Variants in HNRNPLL observed in about 807,000 individuals in gnomAD.
HNRNPLL encodes the protein heterogeneous nuclear ribonucleoprotein L-like.
In HNRNPLL, 25 loss-of-function variants were observed where a neutral mutation model predicts 67.1. The observed-to-expected ratio is 0.37, with a 90% CI of 0.27 to 0.52. The LOEUF is 0.52. HNRNPLL is among the 20% of genes least tolerant of loss of function. The pLI is 0.90. For missense variants in HNRNPLL, 542 were observed against 673.9 expected, an observed-to-expected ratio of 0.80 and a Z score of 2.17; for synonymous variants, 267 against 241.7, an observed-to-expected ratio of 1.10 and a Z score of -0.97.
At chr2:38,591,068 A>T (rs1190462062) in intron 2 of HNRNPLL, among the ~76,000 whole-genome samples, 1 of 152,192 alleles carries the variant, frequency 6.6e-6, no homozygotes, top group East Asian at 1.9e-4. Context: ...TATGCACCTA[A>T]ACAAATAATG....
intron 2 of HNRNPLL, 144 bp from the exon 3 acceptor site, chr2:38,586,025 C>CA: frequency 1.9e-6 from 1 of 538,656 alleles, no homozygotes; most frequent in Non-Finnish European, 3.3e-6. Context: ...CGTAAGTCAA[C>CA]TTTTTTTTTT....
intron 12 of HNRNPLL, among the ~76,000 whole-genome samples, chr2:38,565,670 A>C (rs1665829170): frequency 1.4e-5 from 2 of 140,968 alleles, no homozygotes; most frequent in African/African-American, 5.4e-5. Context: ...TCGAGGCTGC[A>C]GTGGGCTGTG....
chr2:38,568,015 A>C, intron 12 of HNRNPLL, 184 bp downstream of exon 12: 2 of 511,482 alleles, frequency 3.9e-6, no homozygotes, highest in South Asian at 2.9e-5. Flanking sequence ...TAAGATGCTA[A>C]ATTTTATGGC....
chr2:38,591,709 C>T (rs1226143794), intron 1 of HNRNPLL, 61 bp from the exon 2 acceptor site: 2 of 1,052,238 alleles, frequency 1.9e-6, no homozygotes, highest in African/African-American at 1.6e-5. Context: ...AACGCGGTGG[C>T]TCACGCCTGT....
chr2:38,580,334 T>C (rs1028498382), intron 6 of HNRNPLL, among the ~76,000 whole-genome samples: 4 of 152,214 alleles, frequency 2.6e-5, no homozygotes, highest in African/African-American at 9.6e-5. Flanking sequence ...ACATGGGGTC[T>C]AGCCAAAGCT....
rs1666882716 is a variant in HNRNPLL, at chr2:38,589,585, A to C, written c.308+1945T>G. 2.0e-5 allele frequency among the ~76,000 whole-genome samples: 3 copies of C among 152,206 alleles called. No homozygotes were observed. The South Asian group carries it at 6.2e-4, about 31-fold the overall frequency. ...ACATAACTACCAATCTTGAGGGCAA[A>C]ATGACGCAAATTAACTGAATGACAT... On this transcript the variant is annotated intron_variant, in intron 2 of 12. Transcript: ENST00000449105.
At chr2:38,595,095 A>G (rs1667119738) in intron 1 of HNRNPLL, among the ~76,000 whole-genome samples, 1 of 151,490 alleles carries the variant, frequency 6.6e-6, no homozygotes, top group Non-Finnish European at 1.5e-5. Flanking sequence ...CCTGGGCAAC[A>G]TGGCAAAACC....
chr2:38,570,024 C>T (rs1012624927), intron 8 of HNRNPLL, 99 bp from the exon 9 acceptor site: 26 of 763,722 alleles, frequency 3.4e-5, no homozygotes, highest in Non-Finnish European at 5.6e-5. Context: ...AAGTAAAATA[C>T]GGAAGATCAC....
chr2:38,581,184 A>G (rs775016866), intron 6 of HNRNPLL: 1 of 152,236 alleles, frequency 6.6e-6, no homozygotes, highest in Non-Finnish European at 1.5e-5. Context: ...AACAATTTGA[A>G]TCTAAGCTGC....
At chr2:38,589,230 T>C (rs187183080) in intron 2 of HNRNPLL, among the ~76,000 whole-genome samples, 29 of 152,352 alleles carry the variant, frequency 1.9e-4, no homozygotes, top group Admixed American at 5.2e-4. Flanking sequence ...TATCTTGTTA[T>C]ATTTTCTTCT....
At chr2:38,600,009 G>T (rs143830557) in intron 1 of HNRNPLL, 12 of 444,788 alleles carry the variant, frequency 2.7e-5, no homozygotes, top group Non-Finnish European at 5.1e-5. Flanking sequence ...ACATGTGAAC[G>T]AAGAAGCACA....
chr2:38,584,679 C>T (rs1195162726), intron 3 of HNRNPLL, among the ~76,000 whole-genome samples: 3 of 151,982 alleles, frequency 2.0e-5, no homozygotes, highest in Non-Finnish European at 2.9e-5. Context: ...TTTCAAGGGA[C>T]AATGGCCATA....
At chr2:38,599,906 A>C (rs1331291445) in intron 1 of HNRNPLL, 1 of 471,480 alleles carries the variant, frequency 2.1e-6, no homozygotes, top group Non-Finnish European at 4.4e-6. Flanking sequence ...ACCTGCATTT[A>C]CTTTAACAGT....
intron 2 of HNRNPLL, among the ~76,000 whole-genome samples, chr2:38,591,269 A>G (rs1321530440): frequency 6.6e-6 from 1 of 152,192 alleles, no homozygotes; most frequent in African/African-American, 2.4e-5. Context: ...TGAAAAGCAC[A>G]CATAATTTCT....
At chr2:38,584,345 G>T (rs1666645109) in intron 3 of HNRNPLL, among the ~76,000 whole-genome samples, 1 of 152,106 alleles carries the variant, frequency 6.6e-6, no homozygotes, top group African/African-American at 2.4e-5. Flanking sequence ...ATAGGTATGA[G>T]CCACCATGCT....
chr2:38,598,989 T>G (rs183580025), intron 1 of HNRNPLL, among the ~76,000 whole-genome samples: 1 of 152,370 alleles, frequency 6.6e-6, no homozygotes, highest in African/African-American at 2.4e-5. Context: ...CACAGTCTTC[T>G]AAACTTCTCC....
chr2:38,567,319 T>C (rs1665904691), intron 12 of HNRNPLL, among the ~76,000 whole-genome samples: 1 of 152,098 alleles, frequency 6.6e-6, no homozygotes, highest in Admixed American at 6.6e-5. Context: ...TTTCGCCACA[T>C]TGGCCAAGCT....
At chr2:38,575,112 T>A (rs151055860) in intron 7 of HNRNPLL, among the ~76,000 whole-genome samples, 83 of 151,902 alleles carry the variant, frequency 5.5e-4, no homozygotes, top group African/African-American at 1.9e-3. Flanking sequence ...TGAGATCTAC[T>A]GCCCTAAGTA....
chr2:38,588,381 C>T (rs1423230066), intron 2 of HNRNPLL, among the ~76,000 whole-genome samples: 1 of 151,680 alleles, frequency 6.6e-6, no homozygotes, highest in Non-Finnish European at 1.5e-5. Context: ...AACCCTGTCT[C>T]TACTAAAAAT....
Sources: gnomAD v4.1 joint callset for allele counts (sites outside exome capture counted in the v4.1 genomes callset) on GRCh38, gnomAD v4.1.1 for gene constraint, MANE v1.5 for transcripts, NCBI Gene and HGNC (gene_info 2026-07-23, HGNC 2026-07-21) for gene names.